AVL9: variants seen among roughly 807,000 people sequenced by gnomAD.
AVL9 encodes late secretory pathway protein AVL9 homolog.
In AVL9, 49 loss-of-function variants were observed where a neutral mutation model predicts 79.2. The observed-to-expected ratio is 0.62, with a 90% CI of 0.49 to 0.79. The LOEUF is 0.79. Among genes scored for constraint, AVL9 ranks in the 30% least tolerant of loss-of-function variants. The pLI is 0.00. For missense variants in AVL9, 682 were observed against 776.8 expected, an observed-to-expected ratio of 0.88 and a Z score of 1.45; for synonymous variants, 299 against 280.6, an observed-to-expected ratio of 1.07 and a Z score of -0.65.
At chr7:32,512,989 A>G (rs1268495259) in intron 1 of AVL9, among the ~76,000 whole-genome samples, 2 of 152,170 alleles carry the variant, frequency 1.3e-5, no homozygotes, top group African/African-American at 4.8e-5. Flanking sequence ...ATAACTGTGC[A>G]CGCCTGAGGG....
intron 3 of AVL9, among the ~76,000 whole-genome samples, chr7:32,548,151 C>CTTTTGTTTTCTTTTTGTTTGT (rs71559236): frequency 7.6e-6 from 1 of 131,596 alleles, no homozygotes; most frequent in South Asian, 2.3e-4. Context: ...TCTCTTTTTT[C>CTTTTGTTTTCTTTTTGTTTGT]TTTTTTTTTT....
intron 2 of AVL9, among the ~76,000 whole-genome samples, chr7:32,544,467 C>T (rs1348175761): frequency 6.6e-6 from 1 of 152,122 alleles, no homozygotes; most frequent in African/African-American, 2.4e-5. Context: ...TCAGTTTGAC[C>T]TGTTATAATT....
chr7:32,525,294 G>C (rs1788352750), intron 1 of AVL9, among the ~76,000 whole-genome samples: 1 of 152,110 alleles, frequency 6.6e-6, no homozygotes, highest in African/African-American at 2.4e-5. Flanking sequence ...AGTTTAGTAA[G>C]AGTCTTTTAG....
chr7:32,559,531 T>C (rs1790241592), intron 10 of AVL9, 67 bp downstream of exon 10: 1 of 1,483,702 alleles, frequency 6.7e-7, no homozygotes, highest in Non-Finnish European at 9.0e-7. Flanking sequence ...GTTTAACTTT[T>C]GAACTTTTGG....
chr7:32,507,174 G>A (rs1787448412), intron 1 of AVL9, among the ~76,000 whole-genome samples: 1 of 152,068 alleles, frequency 6.6e-6, no homozygotes, highest in South Asian at 2.1e-4. Flanking sequence ...GTATATCCTT[G>A]TCCCTCCCAC....
At chr7:32,502,262 G>A (rs1787159547) in intron 1 of AVL9, among the ~76,000 whole-genome samples, 1 of 151,784 alleles carries the variant, frequency 6.6e-6, no homozygotes, top group African/African-American at 2.4e-5. Context: ...CTACTTGGGA[G>A]GCTGGTGTGA....
intron 1 of AVL9, among the ~76,000 whole-genome samples, chr7:32,507,432 T>C (rs1404157690): frequency 2.0e-5 from 3 of 152,216 alleles, no homozygotes; most frequent in Non-Finnish European, 4.4e-5. Context: ...TCCTCAACGC[T>C]AACCACCCTC....
Position 32,552,218 on chromosome 7 carries a change from A to G in AVL9, c.463-11A>G, listed in dbSNP as rs574787496. On this transcript the variant is annotated splice_polypyrimidine_tract_variant and intron_variant, in intron 5 of 15. Coordinates refer to ENST00000318709, the MANE Select transcript of AVL9 (RefSeq NM_015060.3). ...TAGTAAAATGTGCTAAATTCAATCTATATTTTATAGGAGCTTTATGAACAT... is the reference window on the plus strand; with the variant it reads ...TAGTAAAATGTGCTAAATTCAATCTGTATTTTATAGGAGCTTTATGAACAT... 26 of 1,528,550 alleles carry G rather than the reference A, an allele frequency of 1.7e-5. No homozygotes were observed. The highest frequency in any genetic ancestry group is 2.0e-5 in the Non-Finnish European group (22 of 1,105,736). The allele number at this position is 1,528,550 out of a possible 1,614,324, so 94.7% of individuals were successfully genotyped here.
chr7:32,573,532 C>T, intron 12 of AVL9, 114 bp downstream of exon 12: 1 of 929,640 alleles, frequency 1.1e-6, no homozygotes. Flanking sequence ...GAAAAATTAC[C>T]AGTTATTCCC....
chr7:32,498,583 C>T (rs972189934), intron 1 of AVL9, among the ~76,000 whole-genome samples: 1 of 151,646 alleles, frequency 6.6e-6, no homozygotes, highest in East Asian at 1.9e-4. Flanking sequence ...TTTAAATGAA[C>T]ATCTATTAAC....
chr7:32,560,327 AATT>A (rs1349573804), intron 10 of AVL9, among the ~76,000 whole-genome samples: 1 of 151,814 alleles, frequency 6.6e-6, no homozygotes, highest in Non-Finnish European at 1.5e-5. Context: ...AAGTACAATT[AATT>A]ATTAAATAAT....
intron 1 of AVL9, among the ~76,000 whole-genome samples, chr7:32,522,492 C>T (rs879882270): frequency 2.0e-5 from 3 of 152,172 alleles, no homozygotes; most frequent in Non-Finnish European, 2.9e-5. Flanking sequence ...GCCAATTTCT[C>T]TCATTTGGAA....
At chr7:32,503,022 A>G (rs920013298) in intron 1 of AVL9, among the ~76,000 whole-genome samples, 1 of 152,150 alleles carries the variant, frequency 6.6e-6, no homozygotes, top group Admixed American at 6.5e-5. Flanking sequence ...TGGGTTTTGA[A>G]AGGAAACCTA....
chr7:32,511,727 C>G (rs1026366436), intron 1 of AVL9, among the ~76,000 whole-genome samples: 1 of 151,968 alleles, frequency 6.6e-6, no homozygotes, highest in Non-Finnish European at 1.5e-5. Flanking sequence ...CGCTGGAAAA[C>G]TGAACAGCTT....
At chr7:32,549,678 G>T (rs1789710389) in intron 4 of AVL9, among the ~76,000 whole-genome samples, 1 of 151,820 alleles carries the variant, frequency 6.6e-6, no homozygotes, top group Admixed American at 6.6e-5. Context: ...ACTTTGGAAG[G>T]CCGAGGTGGG....
chr7:32,579,458 T>A (rs563183818), intron 13 of AVL9, among the ~76,000 whole-genome samples: 3 of 6,134 alleles, frequency 4.9e-4, no homozygotes, highest in African/African-American at 3.2e-3. Context: ...ATATTATATA[T>A]TATATATAAT....
At chr7:32,539,588 C>T (rs2128132494) in intron 1 of AVL9, among the ~76,000 whole-genome samples, 1 of 152,286 alleles carries the variant, frequency 6.6e-6, no homozygotes, top group East Asian at 1.9e-4. Context: ...GTTAGGGTGC[C>T]TCTGACACTG....
chr7:32,543,536 T>C (rs1789314950), intron 2 of AVL9, among the ~76,000 whole-genome samples: 1 of 152,220 alleles, frequency 6.6e-6, no homozygotes, highest in Non-Finnish European at 1.5e-5. Context: ...TTCCTACATC[T>C]ATACTTCATA....
intron 1 of AVL9, among the ~76,000 whole-genome samples, chr7:32,503,999 T>C (rs751628390): frequency 6.6e-6 from 1 of 152,214 alleles, no homozygotes; most frequent in Non-Finnish European, 1.5e-5. Context: ...AGATTCTTAA[T>C]GAAACCCACG....
Sources: allele counts gnomAD v4.1 joint callset (sites outside exome capture counted in the v4.1 genomes callset), GRCh38; gene constraint gnomAD v4.1.1; transcripts MANE v1.5; gene names NCBI Gene and HGNC (gene_info 2026-07-23, HGNC 2026-07-21).